PNN: variants seen among roughly 807,000 people sequenced by gnomAD.
The protein encoded by PNN is pinin.
In PNN, 38 loss-of-function variants were observed where a neutral mutation model predicts 76.6. The ratio of observed to expected loss-of-function variants is 0.50; its 90% confidence interval spans 0.38 to 0.65. PNN has a LOEUF of 0.65. Among genes scored for constraint, PNN ranks in the 30% least tolerant of loss-of-function variants. PNN has a pLI of 0.00. For missense variants in PNN, 873 were observed against 874.1 expected (o/e 1.00, Z 0.02); for synonymous variants, 366 against 283.7 (o/e 1.29, Z -2.91).
intron 6 of PNN, among the ~76,000 whole-genome samples, chr14:39,178,431 C>A (rs989223920): frequency 1.3e-5 from 2 of 151,890 alleles, no homozygotes; most frequent in Admixed American, 1.3e-4. Flanking sequence ...ATTTGGGAGG[C>A]GGAGGCAAGA....
In PNN at chr14:39,181,773, G is replaced by A; in HGVS notation, c.2064G>A (p.Lys688=). 6.2e-7 allele frequency: 1 copy of A among 1,614,118 alleles called. No individual in the cohort carries two copies. Among genetic ancestry groups the A allele is most frequent in the South Asian group, 1.1e-5 (1 of 91,078 alleles). ...SKDKNSRSDR[K]RSISESSRSG... is the part of the protein sequence containing the mutation. Reference sequence around the variant, plus strand: ...ATAAGAATTCCCGGTCCGACAGAAAGAGGTCTATATCAGAGAGTAGTCGAT... The same window carrying A: ...ATAAGAATTCCCGGTCCGACAGAAAAAGGTCTATATCAGAGAGTAGTCGAT... The change falls in exon 9 of 9, where the codon AAG becomes AAA. Residue 688 remains lysine, a synonymous_variant. Coordinates refer to ENST00000216832, the MANE Select transcript of PNN (RefSeq NM_002687.4).
intron 8 of PNN, 21 bp downstream of exon 8, chr14:39,179,483 A>G (rs1379358185): frequency 3.1e-6 from 5 of 1,602,482 alleles, no homozygotes; most frequent in East Asian, 4.5e-5. Flanking sequence ...GAAGAGGTCC[A>G]TTGAATTGTT....
rs767972163 is a variant in PNN, at chr14:39,180,514, G to A, written c.805G>A (p.Gly269Ser). 6.3e-7 allele frequency: 1 copy of A among 1,582,454 alleles called. No individual in the cohort carries two copies. The highest frequency in any genetic ancestry group is 8.6e-7 in the Non-Finnish European group (1 of 1,167,240). ...TTTTTATTCTTTAGCTTTATTTGAAGGTAGACGCATCGAATTTGCAGAACA... is the reference window on the plus strand; with the variant it reads ...TTTTTATTCTTTAGCTTTATTTGAAAGTAGACGCATCGAATTTGCAGAACA... ...SQRKMNALFE[G>S]RRIEFAEQIN... The change falls in exon 9 of 9, where the codon GGT becomes AGT. Residue 269 changes from glycine (G) to serine (S), a missense_variant. By Grantham distance (56) the Gly-to-Ser change is moderately conservative (BLOSUM62 0). Around this residue, in one of 3 missense-constraint regions of PNN, gnomAD observed 712 missense variants for 693.1 expected, o/e 1.03. Coordinates refer to ENST00000216832, the MANE Select transcript of PNN (RefSeq NM_002687.4).
At chr14:39,180,399 C>T in intron 8 of PNN, 104 bp from the exon 9 acceptor site, 2 of 1,261,552 alleles carry the variant, frequency 1.6e-6, no homozygotes, top group South Asian at 1.8e-5. Context: ...TTTACAAAAA[C>T]AAATTCAGAT....
rs779856169 is a variant in PNN at position 39,181,736 on chromosome 14, A to G, written c.2027A>G (p.Lys676Arg). The change falls in exon 9 of 9, where the codon AAA becomes AGA. Residue 676 changes from lysine (K) to arginine (R), a missense_variant. Physicochemically the swap from Lys to Arg is conservative, Grantham distance 26 (BLOSUM62 2). Around this residue, in one of 3 missense-constraint regions of PNN, gnomAD observed 712 missense variants for 693.1 expected, o/e 1.03. Coordinates refer to ENST00000216832, the MANE Select transcript of PNN (RefSeq NM_002687.4). ...SSKGGSSRDT[K>R]GSKDKNSRSD... ...AAAGGTGGTAGTAGTAGAGATACAA[A>G]AGGATCAAAGGATAAGAATTCCCGG... 1 of 1,614,198 alleles carries G rather than the reference A, an allele frequency of 6.2e-7. No homozygotes were observed. Among genetic ancestry groups the G allele is most frequent in the Non-Finnish European group, 8.5e-7 (1 of 1,180,028 alleles).
At chr14:39,178,566 C>T (rs1170908496) in intron 6 of PNN, among the ~76,000 whole-genome samples, 1 of 147,950 alleles carries the variant, frequency 6.8e-6, no homozygotes, top group East Asian at 2.0e-4. Context: ...ATGCAGATAC[C>T]TTTTTTTTTT....
intron 6 of PNN, among the ~76,000 whole-genome samples, chr14:39,178,509 C>A (rs1037812216): frequency 1.3e-5 from 2 of 151,932 alleles, no homozygotes; most frequent in African/African-American, 4.8e-5. Context: ...CCAGCCTGGG[C>A]AACAGGCGCA....
rs181183717 is a variant in PNN, at chr14:39,175,708, T to C, written c.113+316T>C. 458 of 463,892 alleles carry C rather than the reference T, an allele frequency of 9.9e-4. 4 individuals are homozygous for C. Among genetic ancestry groups the C allele is most frequent in the African/African-American group, 7.6e-3 (373 of 48,994 alleles). 28.7% of individuals were successfully genotyped at this position (463,892 alleles called of 1,614,324 possible). On this transcript the variant is annotated intron_variant, in intron 1 of 8. Transcript: ENST00000216832. ...GCCCGGAACTGCAGCACAAAGCCCC[T>C]TCCCGCTCCGGCGGACACCCGGCCC...
intron 6 of PNN, 85 bp from the exon 7 acceptor site, chr14:39,179,006 T>TA: frequency 7.7e-7 from 1 of 1,299,830 alleles, no homozygotes; most frequent in Admixed American, 2.3e-5. Context: ...AATAACTTTT[T>TA]ATCATAATTG....
intron 3 of PNN, 63 bp downstream of exon 3, chr14:39,176,658 T>C: frequency 1.0e-6 from 1 of 985,518 alleles, no homozygotes; most frequent in East Asian, 2.6e-5. Context: ...CAAATATAAA[T>C]GTTTATTAAC....
chr14:39,175,468 A>C (rs1208151034), intron 1 of PNN, 76 bp downstream of exon 1: 1 of 874,482 alleles, frequency 1.1e-6, no homozygotes, highest in Non-Finnish European at 1.9e-6. Context: ...GGGGGCGGGG[A>C]GGGCGGCCAG....
intron 8 of PNN, 94 bp downstream of exon 8, chr14:39,179,556 G>C (rs781112782): frequency 2.3e-5 from 25 of 1,103,322 alleles, no homozygotes; most frequent in Non-Finnish European, 3.2e-5. Flanking sequence ...TTATGATTCA[G>C]TGATTGGTTT....
chr14:39,177,556 A>T (rs770179660), intron 4 of PNN, 37 bp from the exon 5 acceptor site: 19 of 1,594,228 alleles, frequency 1.2e-5, no homozygotes, highest in Non-Finnish European at 1.5e-5. Flanking sequence ...CACCACTCAT[A>T]TGCTAGTTAA....
At position 39,177,334 on chromosome 14, in the gene PNN, C is replaced by T. The variant is rs994777213; in HGVS notation, c.255-78C>T. Reference sequence around the variant, plus strand: ...CTGGGAGGTCGAGGCTGCAGTGAACCGTGGTGGCACCACTGCACTTCAGCC... The same window carrying T: ...CTGGGAGGTCGAGGCTGCAGTGAACTGTGGTGGCACCACTGCACTTCAGCC... On this transcript the variant is annotated intron_variant, in intron 3 of 8. Transcript: ENST00000216832. The T allele has an allele frequency of 6.1e-6, 7 of 1,157,022 alleles. No homozygotes were observed. The African/African-American group carries it at 6.1e-5, about 10-fold the overall frequency. 71.7% of individuals were successfully genotyped at this position (1,157,022 alleles called of 1,614,324 possible).
In PNN at chr14:39,180,609, TGAA is replaced by T. The variant is rs1594556684; in HGVS notation, c.904_906del (p.Glu302del). ...AAAAAGAGCATCAGGTGGTGCGTAA[TGAA>T]GAACAGAAGGCGGAACAAGAAGAGG... On this transcript the variant is annotated inframe_deletion, in exon 9 of 9. Coordinates refer to ENST00000216832, the MANE Select transcript of PNN (RefSeq NM_002687.4). 3 of 1,613,836 alleles carry T rather than the reference TGAA, an allele frequency of 1.9e-6. No individual in the cohort carries two copies. The highest frequency in any genetic ancestry group is 2.5e-6 in the Non-Finnish European group (3 of 1,179,956).
In PNN at chr14:39,179,146, G is replaced by A; in HGVS notation, c.554G>A (p.Arg185Lys). Residue 185 changes from arginine to lysine, a missense_variant, in exon 7 of 9, where the codon AGA becomes AAA. Physicochemically the swap from Arg to Lys is conservative, Grantham distance 26. This residue lies in a region of PNN where 712 missense variants were observed against 693.1 expected (regional missense o/e 1.03). Coordinates refer to ENST00000216832, the MANE Select transcript of PNN (RefSeq NM_002687.4). ...QKLEVQAEEE[R>K]KQVENERREL... ...CTTGAAGTTCAGGCAGAAGAAGAGA[G>A]AAAGCAGGTTGAAAATGAAAGGAGA... 1.2e-6 allele frequency: 2 copies of A among 1,614,030 alleles called. No homozygotes were observed. The highest frequency in any genetic ancestry group is 1.7e-6 in the Non-Finnish European group (2 of 1,179,986).
At chr14:39,178,927 G>C (rs1223706558) in intron 6 of PNN, 164 bp from the exon 7 acceptor site, 1 of 617,742 alleles carries the variant, frequency 1.6e-6, no homozygotes, top group Non-Finnish European at 2.7e-6. Flanking sequence ...TTTTAGTAGA[G>C]ATGGTGGTGT....
At chr14:39,176,315 A>G (rs2053223579) in intron 2 of PNN, 166 bp downstream of exon 2, 1 of 631,032 alleles carries the variant, frequency 1.6e-6, no homozygotes, top group African/African-American at 1.9e-5. Flanking sequence ...TTATCCTGAA[A>G]AACTGGAGGT....
In PNN at chr14:39,180,545, A is replaced by AT; in HGVS notation, c.837dup (p.Lys280Ter). The AT allele has an allele frequency of 6.2e-7, 1 of 1,603,772 alleles. No homozygotes were observed. The highest frequency in any genetic ancestry group is 8.5e-7 in the Non-Finnish European group (1 of 1,177,366). ...CGCATCGAATTTGCAGAACAAATAA[A>AT]TAAAATGGAGGCTAGGCCTAGAAGA... is the stretch of plus-strand genomic sequence containing the variant. On this transcript the variant is annotated frameshift_variant, in exon 9 of 9. Transcript: ENST00000216832. LOFTEE classifies it high-confidence loss of function.
Sources: allele counts gnomAD v4.1 joint callset (sites outside exome capture counted in the v4.1 genomes callset), GRCh38; gene constraint gnomAD v4.1.1; regional missense constraint gnomAD v4.1.1; transcripts MANE v1.5; gene names NCBI Gene and HGNC (gene_info 2026-07-23, HGNC 2026-07-21).